The following GFRA2 variants were observed in gnomAD, a reference collection of about 807,000 sequenced individuals.
The protein encoded by GFRA2 is GDNF family receptor alpha-2.
GFRA2 carries 17 observed loss-of-function variants against 48.3 expected under a neutral mutation model. The observed-to-expected ratio is 0.35, with a 90% CI of 0.24 to 0.53. The LOEUF (loss-of-function observed/expected upper bound fraction) is 0.53, where lower values mean the gene tolerates loss of function less well. Ranked by LOEUF, GFRA2 falls within the 20% of genes least tolerant of loss-of-function variation. GFRA2 has a pLI of 0.93. For synonymous variants in GFRA2, 305 were observed against 257.2 expected (o/e 1.19, Z -1.78); for missense variants, 660 against 637.3 (o/e 1.04, Z -0.38).
chr8:21,705,215 G>A, intron 5 of GFRA2, 90 bp from the exon 6 acceptor site: 3 of 1,356,014 alleles, frequency 2.2e-6, no homozygotes, highest in Non-Finnish European at 3.0e-6. Flanking sequence ...CAGCAGGGCA[G>A]AGGCGTGGTA....
upstream of GFRA2, chr8:21,790,015 C>T: frequency 3.1e-6 from 3 of 952,622 alleles, no homozygotes; most frequent in Non-Finnish European, 3.8e-6. Context: ...GGGGGTTCCT[C>T]CTCCCCTAGC....
intron 3 of GFRA2, among the ~76,000 whole-genome samples, chr8:21,755,140 T>C (rs1805507171): frequency 6.6e-6 from 1 of 152,120 alleles, no homozygotes; most frequent in Admixed American, 6.5e-5. Flanking sequence ...TAATGGAGGA[T>C]GCATGCCATT....
upstream of GFRA2, chr8:21,788,929 G>A: frequency 2.4e-6 from 1 of 411,646 alleles, no homozygotes; most frequent in Non-Finnish European, 3.3e-6. Flanking sequence ...TCCTCCCTCC[G>A]CCCGCCCCCT....
At position 21,691,904 on chromosome 8, in the gene GFRA2, G is replaced by A. The variant is rs1801895962; in HGVS notation, c.*1374C>T. ...ACATGGATGCACACACATGCACACAGGCACACACACGGACACACATTTCCC... is the reference window on the plus strand; with the variant it reads ...ACATGGATGCACACACATGCACACAAGCACACACACGGACACACATTTCCC... On this transcript the variant is annotated 3_prime_UTR_variant, in exon 9 of 9. Coordinates refer to ENST00000524240, the MANE Select transcript of GFRA2 (RefSeq NM_001495.5). 6.6e-6 allele frequency: 1 copy of A among 152,670 alleles called. No homozygotes were observed. 9.5% of individuals were successfully genotyped at this position (152,670 alleles called of 1,614,324 possible).
intron 4 of GFRA2, among the ~76,000 whole-genome samples, chr8:21,715,958 A>G (rs1002763973): frequency 3.3e-5 from 5 of 152,154 alleles, no homozygotes; most frequent in African/African-American, 1.2e-4. Context: ...TGCCCTTCCT[A>G]TATTTTATTA....
At chr8:21,723,749 C>T (rs1803720989) in intron 4 of GFRA2, among the ~76,000 whole-genome samples, 1 of 152,212 alleles carries the variant, frequency 6.6e-6, no homozygotes, top group Non-Finnish European at 1.5e-5. Context: ...CACTCGTCCT[C>T]TTCTCAACAG....
chr8:21,753,008 C>T (rs1805373432), intron 3 of GFRA2, among the ~76,000 whole-genome samples: 1 of 152,112 alleles, frequency 6.6e-6, no homozygotes, highest in Non-Finnish European at 1.5e-5. Context: ...GCCCCCATAC[C>T]CCACCCCATG....
chr8:21,779,715 C>A (rs1806881032), intron 2 of GFRA2: 1 of 152,132 alleles, frequency 6.6e-6, no homozygotes, highest in African/African-American at 2.4e-5. Flanking sequence ...GAGAAGGCAC[C>A]GCCTGATTCA....
At chr8:21,787,876 C>T (rs925146019) in intron 1 of GFRA2, among the ~76,000 whole-genome samples, 1 of 152,086 alleles carries the variant, frequency 6.6e-6, no homozygotes, top group African/African-American at 2.4e-5. Context: ...ACAGTGTCTG[C>T]GGGGCTGGTT....
At chr8:21,719,093 G>A (rs892133173) in intron 4 of GFRA2, among the ~76,000 whole-genome samples, 2 of 152,102 alleles carry the variant, frequency 1.3e-5, no homozygotes, top group Non-Finnish European at 2.9e-5. Flanking sequence ...GGTGACCATG[G>A]GAAATGACCT....
At chr8:21,789,661 G>A (rs920286803), upstream of GFRA2, among the ~76,000 whole-genome samples, 1 of 152,062 alleles carries the variant, frequency 6.6e-6, no homozygotes, top group African/African-American at 2.4e-5. Flanking sequence ...AGCCCCGCGC[G>A]CACATACACG....
chr8:21,719,038 T>C (rs1039181962), intron 4 of GFRA2, among the ~76,000 whole-genome samples: 1 of 152,094 alleles, frequency 6.6e-6, no homozygotes, highest in Admixed American at 6.5e-5. Context: ...CCATCCAGCC[T>C]GGAGCTCACC....
intron 3 of GFRA2, among the ~76,000 whole-genome samples, chr8:21,755,456 C>A (rs1255033562): frequency 6.6e-6 from 1 of 152,176 alleles, no homozygotes; most frequent in African/African-American, 2.4e-5. Flanking sequence ...GGTTTGTTTT[C>A]CCAATCAATC....
At chr8:21,697,671 G>A (rs1380981612) in intron 7 of GFRA2, among the ~76,000 whole-genome samples, 1 of 152,166 alleles carries the variant, frequency 6.6e-6, no homozygotes, top group Non-Finnish European at 1.5e-5. Flanking sequence ...TGGTTTGGCT[G>A]TGTCTCCACC....
intron 3 of GFRA2, chr8:21,769,298 A>G (rs1585321962): frequency 1.8e-5 from 4 of 218,264 alleles, no homozygotes; most frequent in African/African-American, 1.4e-4. Context: ...CCTGCACACC[A>G]CGGCCAGGAT....
chr8:21,763,619 C>A (rs1806013723), intron 3 of GFRA2, among the ~76,000 whole-genome samples: 1 of 152,088 alleles, frequency 6.6e-6, no homozygotes, highest in Non-Finnish European at 1.5e-5. Flanking sequence ...ACATCCAAAT[C>A]CCTGCTGAAA....
rs368399468 is a variant in GFRA2, at chr8:21,722,668, C to T, written c.795-16627G>A. ...AGGCCCTGCCACTCCAACCGATACA[C>T]GCGTGGCCACACACCCTCAGTGAAA... On this transcript the variant is annotated intron_variant, in intron 4 of 8. Coordinates refer to ENST00000524240, the MANE Select transcript of GFRA2 (RefSeq NM_001495.5). 9.2e-5 allele frequency among the ~76,000 whole-genome samples: 14 copies of T among 152,322 alleles called. No individual in the cohort carries two copies. In the East Asian group the frequency reaches 2.3e-3, roughly 25 times the overall value.
chr8:21,695,183 T>C (rs1025089020), intron 7 of GFRA2, among the ~76,000 whole-genome samples: 5 of 152,182 alleles, frequency 3.3e-5, no homozygotes, highest in Admixed American at 6.5e-5. Flanking sequence ...GCTGCCTTGG[T>C]AATGATTCCA....
chr8:21,709,340 T>C (rs1227628132), intron 4 of GFRA2, among the ~76,000 whole-genome samples: 1 of 152,252 alleles, frequency 6.6e-6, no homozygotes, highest in Non-Finnish European at 1.5e-5. Flanking sequence ...GAAAGATTCA[T>C]TGCATGAGCA....
Sources: allele counts gnomAD v4.1 joint callset (sites outside exome capture counted in the v4.1 genomes callset), GRCh38; gene constraint gnomAD v4.1.1; transcripts MANE v1.5; gene names NCBI Gene and HGNC (gene_info 2026-07-23, HGNC 2026-07-21).